The following CPED1 variants were observed in gnomAD, a reference collection of about 807,000 sequenced individuals.
CPED1 encodes cadherin like and PC-esterase domain containing 1, also known as cadherin-like and PC-esterase domain-containing protein 1.
In CPED1, 114 loss-of-function variants were observed where a neutral mutation model predicts 128.2. The observed-to-expected ratio is 0.89, with a 90% CI of 0.76 to 1.04. The LOEUF (loss-of-function observed/expected upper bound fraction) is 1.04, where lower values mean the gene tolerates loss of function less well. CPED1 is among the 50% of genes least tolerant of loss of function. The pLI, the probability that CPED1 is intolerant of heterozygous loss-of-function variation, is 0.00. For missense variants in CPED1, 1,211 were observed against 1,207.1 expected (o/e 1.00, Z -0.05); for synonymous variants, 462 against 426.7 (o/e 1.08, Z -1.02).
In CPED1 at chr7:121,130,132, C is replaced by CG; in HGVS notation, c.1415_1416insG (p.Ser473IlefsTer12). 1 of 1,611,492 alleles carries CG rather than the reference C, an allele frequency of 6.2e-7. No individual in the cohort carries two copies. The highest frequency in any genetic ancestry group is 8.5e-7 in the Non-Finnish European group (1 of 1,178,112). On this transcript the variant is annotated frameshift_variant, in exon 12 of 23. Transcript: ENST00000310396. LOFTEE classifies it high-confidence loss of function. ...GATATTTTGTGTTCTCAGCTCTTCCCATCTACTACTCCTGGGATTCAGTCA... is the reference window on the plus strand; with the variant it reads ...GATATTTTGTGTTCTCAGCTCTTCCCGATCTACTACTCCTGGGATTCAGTCA...
intron 16 of CPED1, among the ~76,000 whole-genome samples, chr7:121,222,448 T>G (rs1797902792): frequency 6.6e-6 from 1 of 152,208 alleles, no homozygotes; most frequent in Non-Finnish European, 1.5e-5. Flanking sequence ...GGCTCTTTTT[T>G]GGTTCCATAT....
intron 16 of CPED1, among the ~76,000 whole-genome samples, chr7:121,206,176 G>A (rs114638318): frequency 6.6e-6 from 1 of 151,986 alleles, no homozygotes; most frequent in African/African-American, 2.4e-5. Context: ...TAGAAGTGGG[G>A]CACAGAGCCT....
In CPED1 at chr7:121,004,170, G is replaced by A. The variant is rs138691356; in HGVS notation, c.250-11495G>A. Among the ~76,000 whole-genome samples, 21 of 152,266 alleles carry A rather than the reference G, an allele frequency of 1.4e-4. No individual in the cohort carries two copies. In the East Asian group the frequency reaches 3.9e-3, roughly 28 times the overall value. ...CTATCCATCCTTAACCATCTGTTCA[G>A]CTCAAGGGAGCCCTGGATTTCTGGG... On this transcript the variant is annotated intron_variant, in intron 2 of 22. Coordinates refer to ENST00000310396, the MANE Select transcript of CPED1 (RefSeq NM_024913.5).
chr7:121,285,744 C>A (rs1449929566), intron 22 of CPED1, among the ~76,000 whole-genome samples: 2 of 152,186 alleles, frequency 1.3e-5, no homozygotes, highest in African/African-American at 2.4e-5. Context: ...AGTCATTCAA[C>A]AAGTCTCTAG....
At chr7:121,049,269 C>G (rs940498592) in intron 4 of CPED1, among the ~76,000 whole-genome samples, 1 of 152,120 alleles carries the variant, frequency 6.6e-6, no homozygotes, top group South Asian at 2.1e-4. Flanking sequence ...TACACTGGGT[C>G]GTAAGAGGGA....
chr7:121,193,148 G>T (rs1156835116), intron 16 of CPED1, among the ~76,000 whole-genome samples: 1 of 152,040 alleles, frequency 6.6e-6, no homozygotes, highest in Non-Finnish European at 1.5e-5. Context: ...GGAATTTTGG[G>T]GTTACCCAGA....
intron 3 of CPED1, among the ~76,000 whole-genome samples, chr7:121,017,782 T>TA (rs1258368555): frequency 3.9e-5 from 6 of 152,196 alleles, no homozygotes; most frequent in Non-Finnish European, 8.8e-5. Flanking sequence ...AAAGGAGAAT[T>TA]ACTCTGCAGC....
chr7:121,221,473 A>G (rs1797875619), intron 16 of CPED1, among the ~76,000 whole-genome samples: 1 of 152,232 alleles, frequency 6.6e-6, no homozygotes, highest in Admixed American at 6.5e-5. Flanking sequence ...CTTTGGGTAT[A>G]TACCCAGTAA....
chr7:121,243,583 A>G (rs1201993406), intron 17 of CPED1, among the ~76,000 whole-genome samples: 1 of 152,210 alleles, frequency 6.6e-6, no homozygotes, highest in African/African-American at 2.4e-5. Flanking sequence ...ACATTGTTAC[A>G]CCAATCATGT....
At chr7:121,094,853 A>G (rs1794661855) in intron 5 of CPED1, among the ~76,000 whole-genome samples, 1 of 152,172 alleles carries the variant, frequency 6.6e-6, no homozygotes, top group African/African-American at 2.4e-5. Flanking sequence ...CAAATTGTTC[A>G]CTTTTATTCT....
At position 121,035,858 on chromosome 7, in the gene CPED1, A is replaced by C. The variant is rs370194756; in HGVS notation, c.434-11029A>C. On this transcript the variant is annotated intron_variant, in intron 3 of 22. Coordinates refer to ENST00000310396, the MANE Select transcript of CPED1 (RefSeq NM_024913.5). ...AAAAAAATAATAATAATAAAAAAAA[A>C]TAAATAAAAAGGAGGAAGAGCGGGT... Among the ~76,000 whole-genome samples, 6 of 144,652 alleles carry C rather than the reference A, an allele frequency of 4.1e-5. No homozygotes were observed. In the East Asian group the frequency reaches 1.2e-3, roughly 30 times the overall value. The allele number at this position is 144,652 out of a possible 152,430, so 94.9% of individuals were successfully genotyped here. A position where few individuals can be genotyped will look rare whatever the true frequency, so the allele number is the denominator to read the frequency against.
chr7:121,250,327 T>C (rs567867950), intron 18 of CPED1, among the ~76,000 whole-genome samples: 2,212 of 151,026 alleles, frequency 0.015, 54 homozygotes, highest in African/African-American at 0.05. Flanking sequence ...AAGCAGTGTG[T>C]AGAGGGAAAT....
At chr7:121,250,553 A>G (rs1798646406) in intron 18 of CPED1, among the ~76,000 whole-genome samples, 1 of 152,240 alleles carries the variant, frequency 6.6e-6, no homozygotes, top group Non-Finnish European at 1.5e-5. Context: ...TGAAAAGATC[A>G]ACAAAATTGA....
intron 2 of CPED1, among the ~76,000 whole-genome samples, chr7:121,006,976 G>A (rs1173864671): frequency 1.3e-5 from 2 of 152,128 alleles, no homozygotes; most frequent in Non-Finnish European, 2.9e-5. Context: ...AGGGGAGGTG[G>A]AGGCTGGCAG....
In CPED1 at chr7:121,027,649, G is replaced by A. The variant is rs116843213; in HGVS notation, c.433+11801G>A. 5.8e-3 allele frequency among the ~76,000 whole-genome samples: 874 copies of A among 151,834 alleles called. 7 individuals carry two copies. The highest frequency in any genetic ancestry group is 8.2e-3 in the Non-Finnish European group (557 of 67,956). On this transcript the variant is annotated intron_variant, in intron 3 of 22. Transcript: ENST00000310396. ...CTCACATCCCCCTACCCCTAGTGAAGTCTCTTTGTAACATTCTTTCAGATT... is the reference window on the plus strand; with the variant it reads ...CTCACATCCCCCTACCCCTAGTGAAATCTCTTTGTAACATTCTTTCAGATT...
At chr7:121,101,929 A>C (rs756028641) in intron 7 of CPED1, among the ~76,000 whole-genome samples, 1 of 152,148 alleles carries the variant, frequency 6.6e-6, no homozygotes, top group Non-Finnish European at 1.5e-5. Context: ...ATCATATTTC[A>C]ACATGAGATT....
chr7:121,250,021 C>G (rs923982242), intron 18 of CPED1, among the ~76,000 whole-genome samples: 2 of 152,180 alleles, frequency 1.3e-5, no homozygotes, highest in Non-Finnish European at 2.9e-5. Context: ...AATATACATT[C>G]TTTTCAGCAC....
In CPED1 at chr7:120,989,492, G is replaced by T; in HGVS notation, c.-130G>T. The T allele has an allele frequency of 8.2e-7, 1 of 1,225,834 alleles. No individual in the cohort carries two copies. Among genetic ancestry groups the T allele is most frequent in the Non-Finnish European group, 1.1e-6 (1 of 876,342 alleles). The allele number at this position is 1,225,834 out of a possible 1,614,324, so 75.9% of individuals were successfully genotyped here. On this transcript the variant is annotated 5_prime_UTR_variant, in exon 2 of 23. Coordinates refer to ENST00000310396, the MANE Select transcript of CPED1 (RefSeq NM_024913.5). Reference sequence around the variant, plus strand: ...GCACAACCTTTTGGAAAATTCTTAAGCAGGGATGAAGCAAACTTGATTGGA... The same window carrying T: ...GCACAACCTTTTGGAAAATTCTTAATCAGGGATGAAGCAAACTTGATTGGA...
At chr7:121,075,229 T>G (rs1794094261) in intron 5 of CPED1, among the ~76,000 whole-genome samples, 1 of 152,208 alleles carries the variant, frequency 6.6e-6, no homozygotes, top group African/African-American at 2.4e-5. Context: ...ATACACAGTT[T>G]ACTGGTCTGA....
Sources: allele counts gnomAD v4.1 joint callset (sites outside exome capture counted in the v4.1 genomes callset), GRCh38; gene constraint gnomAD v4.1.1; transcripts MANE v1.5; gene names NCBI Gene and HGNC (gene_info 2026-07-23, HGNC 2026-07-21).